ROBO2: variants seen among roughly 807,000 people sequenced by gnomAD.
The protein encoded by ROBO2 is roundabout homolog 2.
ROBO2 carries 53 observed loss-of-function variants against 160.8 expected under a neutral mutation model. The observed-to-expected ratio is 0.33, with a 90% CI of 0.26 to 0.41. The LOEUF (loss-of-function observed/expected upper bound fraction) is 0.41. Ranked by LOEUF, ROBO2 falls within the 10% of genes least tolerant of loss-of-function variation. The pLI, the probability that ROBO2 is intolerant of heterozygous loss-of-function variation, is 1.00. For missense variants in ROBO2, 1,577 were observed against 1,722.4 expected, an observed-to-expected ratio of 0.92 and a Z score of 1.49; for synonymous variants, 664 against 611.7, an observed-to-expected ratio of 1.09 and a Z score of -1.26.
At chr3:76,761,062 T>C (rs937845380) in intron 2 of ROBO2, among the ~76,000 whole-genome samples, 6 of 151,700 alleles carry the variant, frequency 4.0e-5, no homozygotes, top group African/African-American at 1.4e-4. Context: ...CTTTCTTTTC[T>C]AGCCTGGTAC....
chr3:76,507,793 G>A (rs2080870164), intron 2 of ROBO2, among the ~76,000 whole-genome samples: 1 of 152,016 alleles, frequency 6.6e-6, no homozygotes, highest in South Asian at 2.1e-4. Context: ...CACGATCCTA[G>A]TCTGGTTCTA....
At chr3:76,890,638 T>C (rs1000587129) in intron 2 of ROBO2, among the ~76,000 whole-genome samples, 4 of 152,164 alleles carry the variant, frequency 2.6e-5, no homozygotes, top group Admixed American at 1.3e-4. Flanking sequence ...AATCCAATAA[T>C]TTTTCTATCG....
intron 2 of ROBO2, among the ~76,000 whole-genome samples, chr3:76,036,167 T>G (rs1576581049): frequency 6.6e-6 from 1 of 152,020 alleles, no homozygotes; most frequent in Admixed American, 6.5e-5. Flanking sequence ...ACTTTTTTTT[T>G]GAGACCTGGT....
At chr3:77,370,823 G>A (rs564632708) in intron 2 of ROBO2, among the ~76,000 whole-genome samples, 2 of 152,264 alleles carry the variant, frequency 1.3e-5, no homozygotes, top group African/African-American at 4.8e-5. Flanking sequence ...CAGTGGAGGT[G>A]AGCAGAGACA....
intron 2 of ROBO2, among the ~76,000 whole-genome samples, chr3:76,181,182 G>A (rs2107101103): frequency 6.6e-6 from 1 of 151,954 alleles, no homozygotes; most frequent in East Asian, 1.9e-4. Flanking sequence ...ATTTGTATTT[G>A]CCATTTGCTT....
At position 76,421,213 on chromosome 3, in the gene ROBO2, T is replaced by G. The variant is rs183065517; in HGVS notation, c.109+483611T>G. On this transcript the variant is annotated intron_variant, in intron 2 of 26. Coordinates refer to the ROBO2 transcript ENST00000487694. ...ATGTATTTATAGCTGGTTGTAACAA[T>G]ACATGAAAATTTCCTACCATGGATT... 7.2e-5 allele frequency among the ~76,000 whole-genome samples: 11 copies of G among 152,328 alleles called. No homozygotes were observed. The East Asian group carries it at 2.1e-3, about 29-fold the overall frequency.
chr3:77,625,093 T>A (rs1474819608), intron 23 of ROBO2, among the ~76,000 whole-genome samples: 2 of 152,170 alleles, frequency 1.3e-5, no homozygotes, highest in Non-Finnish European at 2.9e-5. Flanking sequence ...TAGTTGTTTT[T>A]ATAACAACTA....
intron 2 of ROBO2, among the ~76,000 whole-genome samples, chr3:75,966,434 T>C (rs1949117723): frequency 6.6e-6 from 1 of 151,784 alleles, no homozygotes; most frequent in Non-Finnish European, 1.5e-5. Flanking sequence ...AATGCTTTTA[T>C]CAATTTAATG....
At chr3:76,811,893 T>C (rs1425309297) in intron 2 of ROBO2, among the ~76,000 whole-genome samples, 2 of 128,720 alleles carry the variant, frequency 1.6e-5, no homozygotes, top group Non-Finnish European at 3.2e-5. Flanking sequence ...TTTTTTGAGA[T>C]GGGGTCTCAT....
intron 2 of ROBO2, among the ~76,000 whole-genome samples, chr3:77,180,979 G>C (rs1340310159): frequency 6.6e-6 from 1 of 151,978 alleles, no homozygotes; most frequent in African/African-American, 2.4e-5. Flanking sequence ...CATTTAACTT[G>C]CTGCCAAACT....
intron 24 of ROBO2, among the ~76,000 whole-genome samples, chr3:77,636,142 C>T (rs937029214): frequency 1.4e-4 from 21 of 152,144 alleles, no homozygotes; most frequent in African/African-American, 4.6e-4. Context: ...AGGATTTTAA[C>T]GTTGAATTTT....
At chr3:77,093,765 T>C (rs1193189704) in intron 1 of ROBO2, among the ~76,000 whole-genome samples, 1 of 151,714 alleles carries the variant, frequency 6.6e-6, no homozygotes, top group Non-Finnish European at 1.5e-5. Context: ...TCTATCTTTC[T>C]CTCTCTCTCT....
At chr3:76,594,459 C>T (rs1159122913) in intron 2 of ROBO2, among the ~76,000 whole-genome samples, 3 of 152,096 alleles carry the variant, frequency 2.0e-5, no homozygotes, top group East Asian at 1.9e-4. Context: ...CAAATAGGTG[C>T]TTGGCCCTGT....
chr3:76,745,973 T>G (rs2093882607), intron 2 of ROBO2, among the ~76,000 whole-genome samples: 1 of 124,218 alleles, frequency 8.1e-6, no homozygotes, highest in African/African-American at 3.3e-5. Flanking sequence ...CCTAATGCTA[T>G]CCCTCCCTCC....
intron 2 of ROBO2, among the ~76,000 whole-genome samples, chr3:76,339,523 T>C (rs191393022): frequency 6.6e-6 from 1 of 152,280 alleles, no homozygotes; most frequent in Admixed American, 6.5e-5. Flanking sequence ...GGAGTTTATC[T>C]TTCTCTTTCA....
chr3:76,556,358 T>C (rs1411706379), intron 2 of ROBO2, among the ~76,000 whole-genome samples: 2 of 152,134 alleles, frequency 1.3e-5, no homozygotes, highest in Non-Finnish European at 2.9e-5. Context: ...GGGTGATGTA[T>C]TTTACAAAGA....
At chr3:76,094,107 A>G (rs1342199492) in intron 2 of ROBO2, among the ~76,000 whole-genome samples, 2 of 152,088 alleles carry the variant, frequency 1.3e-5, no homozygotes, top group Admixed American at 1.3e-4. Flanking sequence ...TGGAAAGTGT[A>G]TAACAATCTC....
chr3:76,881,933 G>T (rs2073374415), intron 2 of ROBO2, among the ~76,000 whole-genome samples: 1 of 152,012 alleles, frequency 6.6e-6, no homozygotes, highest in African/African-American at 2.4e-5. Flanking sequence ...TGGGTGGTAG[G>T]TTGGTTGTGT....
chr3:77,188,082 C>G (rs1009527032), intron 2 of ROBO2, among the ~76,000 whole-genome samples: 1 of 143,046 alleles, frequency 7.0e-6, no homozygotes, highest in Non-Finnish European at 1.5e-5. Flanking sequence ...AGTCCTAGAT[C>G]TATTATGTCT....
Sources: gnomAD v4.1 joint callset for allele counts (sites outside exome capture counted in the v4.1 genomes callset) on GRCh38, gnomAD v4.1.1 for gene constraint, MANE v1.5 for transcripts, NCBI Gene and HGNC (gene_info 2026-07-23, HGNC 2026-07-21) for gene names.